The following LINGO2 variants were observed in gnomAD, a reference collection of about 807,000 sequenced individuals.
The protein encoded by LINGO2 is leucine-rich repeat and immunoglobulin-like domain-containing nogo receptor-interacting protein 2.
In LINGO2, 14 loss-of-function variants were observed where a neutral mutation model predicts 30.6. That is an observed-to-expected ratio of 0.46 (90% CI 0.30 to 0.72). LINGO2 has a LOEUF of 0.72. Ranked by LOEUF, LINGO2 falls within the 30% of genes least tolerant of loss-of-function variation. LINGO2 has a pLI of 0.07. For missense variants in LINGO2, 729 were observed against 751.7 expected (o/e 0.97, Z 0.35); for synonymous variants, 317 against 288.5 (o/e 1.10, Z -1.00).
At chr9:28,754,033 C>T in the LINGO2 span, among the ~76,000 whole-genome samples, 1 of 151,498 alleles carries the variant, frequency 6.6e-6, no homozygotes, top group Non-Finnish European at 1.5e-5. Flanking sequence ...CACACACACA[C>T]ACACACACAC....
chr9:28,433,265 C>A (rs1365014943), intron 2 of LINGO2, among the ~76,000 whole-genome samples: 1 of 152,100 alleles, frequency 6.6e-6, no homozygotes, highest in Non-Finnish European at 1.5e-5. Context: ...TTATCCCTTT[C>A]CTACTCTCCC....
the LINGO2 span, among the ~76,000 whole-genome samples, chr9:29,149,419 C>G: frequency 2.6e-5 from 4 of 151,882 alleles, no homozygotes; most frequent in East Asian, 7.7e-4. Flanking sequence ...AACCAACACA[C>G]TTTGAACAGA....
At chr9:28,295,416 T>C (rs1324622788) in intron 3 of LINGO2, 50 bp from the exon 6 acceptor site, 3 of 152,578 alleles carry the variant, frequency 2.0e-5, no homozygotes, top group Non-Finnish European at 4.4e-5. Flanking sequence ...TAGTGAACCG[T>C]GTCCTAGGTC....
At chr9:28,790,941 T>TAC in the LINGO2 span, among the ~76,000 whole-genome samples, 1 of 152,146 alleles carries the variant, frequency 6.6e-6, no homozygotes, top group Non-Finnish European at 1.5e-5. Context: ...ACAATGTACA[T>TAC]ACACACTACC....
chr9:29,088,080 G>T, the LINGO2 span, among the ~76,000 whole-genome samples: 24,915 of 152,018 alleles, frequency 0.16, 2,165 homozygotes, highest in East Asian at 0.34. Flanking sequence ...TATGTCAAAT[G>T]GTTGCTGTGA....
At chr9:28,204,037 C>T (rs921396881) in intron 4 of LINGO2, among the ~76,000 whole-genome samples, 1 of 152,194 alleles carries the variant, frequency 6.6e-6, no homozygotes, top group East Asian at 1.9e-4. Flanking sequence ...TGACACTGAA[C>T]GTTTTTATTG....
chr9:28,211,150 T>G (rs1197442694), intron 4 of LINGO2, among the ~76,000 whole-genome samples: 1 of 151,624 alleles, frequency 6.6e-6, no homozygotes, highest in Non-Finnish European at 1.5e-5. Context: ...ATAATATTTA[T>G]TCAGTCAACA....
chr9:28,884,996 T>TTATATA, the LINGO2 span, among the ~76,000 whole-genome samples: 14 of 15,894 alleles, frequency 8.8e-4, 2 homozygotes, highest in African/African-American at 2.3e-3. Flanking sequence ...TAATAATATA[T>TTATATA]TATATATATA....
At chr9:28,090,254 C>A (rs1177761540) in intron 4 of LINGO2, among the ~76,000 whole-genome samples, 1 of 151,990 alleles carries the variant, frequency 6.6e-6, no homozygotes, top group Non-Finnish European at 1.5e-5. Context: ...GACAGAAACA[C>A]AACAAAAAAA....
intron 3 of LINGO2, among the ~76,000 whole-genome samples, chr9:28,328,389 A>G (rs1359944808): frequency 6.6e-6 from 1 of 152,194 alleles, no homozygotes; most frequent in Non-Finnish European, 1.5e-5. Flanking sequence ...AAAGAACAAA[A>G]CTAAATGAAT....
chr9:28,864,641 G>A, the LINGO2 span, among the ~76,000 whole-genome samples: 1 of 71,262 alleles, frequency 1.4e-5, no homozygotes, highest in Admixed American at 1.6e-4. Flanking sequence ...TTGCTTTATA[G>A]AAGCTCATGA....
chr9:28,010,118 T>C (rs1461279421), intron 5 of LINGO2, among the ~76,000 whole-genome samples: 7 of 152,140 alleles, frequency 4.6e-5, no homozygotes, highest in Non-Finnish European at 8.8e-5. Flanking sequence ...GTGAAAAAGG[T>C]CATTCACAAA....
At chr9:28,554,083 GCAT>G (rs1259616976) in intron 1 of LINGO2, among the ~76,000 whole-genome samples, 1 of 151,978 alleles carries the variant, frequency 6.6e-6, no homozygotes, top group African/African-American at 2.4e-5. Flanking sequence ...GGAAGAAACT[GCAT>G]CAACTAACGA....
At chr9:28,647,007 T>A (rs1303175509) in intron 1 of LINGO2, among the ~76,000 whole-genome samples, 9 of 152,100 alleles carry the variant, frequency 5.9e-5, no homozygotes, top group Non-Finnish European at 8.8e-5. Context: ...TGAGAAAGGC[T>A]GTGCCTAGAT....
At chr9:28,672,464 C>A (rs115125841), upstream of LINGO2, among the ~76,000 whole-genome samples, 1,414 of 152,256 alleles carry the variant, frequency 9.3e-3, 21 homozygotes, top group African/African-American at 0.033. Flanking sequence ...ATGCATATCT[C>A]ATTTAATCAA....
chr9:28,774,685 G>T, the LINGO2 span, among the ~76,000 whole-genome samples: 1 of 152,134 alleles, frequency 6.6e-6, no homozygotes, highest in Admixed American at 6.5e-5. Flanking sequence ...AATCCACAGG[G>T]AGGATAGCTA....
the LINGO2 span, among the ~76,000 whole-genome samples, chr9:28,811,024 C>A: frequency 6.6e-6 from 1 of 152,064 alleles, no homozygotes; most frequent in Admixed American, 6.6e-5. Flanking sequence ...TCCTTGTCAC[C>A]ACATAGAAAT....
chr9:29,060,051 G>C, the LINGO2 span, among the ~76,000 whole-genome samples: 1 of 152,058 alleles, frequency 6.6e-6, no homozygotes, highest in African/African-American at 2.4e-5. Flanking sequence ...GCATATTGTG[G>C]AGAGGAATCT....
the LINGO2 span, among the ~76,000 whole-genome samples, chr9:28,759,543 A>G: frequency 2.2e-4 from 33 of 151,920 alleles, no homozygotes; most frequent in African/African-American, 6.3e-4. Context: ...TTAGCCAGGC[A>G]TGGTGACAGG....
Sources: gnomAD v4.1 joint callset for allele counts (sites outside exome capture counted in the v4.1 genomes callset) on GRCh38, gnomAD v4.1.1 for gene constraint, MANE v1.5 for transcripts, NCBI Gene and HGNC (gene_info 2026-07-23, HGNC 2026-07-21) for gene names.